PRKN: variants seen among roughly 807,000 people sequenced by gnomAD.
The protein encoded by PRKN is E3 ubiquitin-protein ligase parkin.
PRKN carries 56 observed loss-of-function variants against 59.5 expected under a neutral mutation model. That is an observed-to-expected ratio of 0.94 (90% CI 0.76 to 1.18). The LOEUF is 1.18. Ranked by LOEUF, PRKN falls within the 50% of genes most tolerant of loss-of-function variation. The probability of loss-of-function intolerance (pLI) is 0.00; values close to 1 mark genes in which losing one functional copy is unlikely to be tolerated. For synonymous variants in PRKN, 250 were observed against 222.1 expected (o/e 1.13, Z -1.12); for missense variants, 657 against 596.4 (o/e 1.10, Z -1.06).
chr6:162,099,436 C>T (rs549482084), intron 4 of PRKN, among the ~76,000 whole-genome samples: 1 of 152,198 alleles, frequency 6.6e-6, no homozygotes, highest in African/African-American at 2.4e-5. Context: ...CCTGGAGAAA[C>T]AGTTCTTCAG....
At chr6:161,951,954 T>C (rs1780006690) in intron 6 of PRKN, among the ~76,000 whole-genome samples, 1 of 149,936 alleles carries the variant, frequency 6.7e-6, no homozygotes, top group African/African-American at 2.4e-5. Flanking sequence ...GAAATGTAAA[T>C]GTTGGCACCT....
At chr6:161,744,975 G>A (rs1412987684) in intron 7 of PRKN, among the ~76,000 whole-genome samples, 1 of 152,166 alleles carries the variant, frequency 6.6e-6, no homozygotes, top group African/African-American at 2.4e-5. Flanking sequence ...ATGTCCACTT[G>A]GTAGATGAGA....
intron 5 of PRKN, among the ~76,000 whole-genome samples, chr6:162,007,574 G>A (rs1363884237): frequency 6.6e-6 from 1 of 152,142 alleles, no homozygotes; most frequent in East Asian, 1.9e-4. Context: ...TTAAACCGTT[G>A]ATGGCAGAAT....
intron 3 of PRKN, among the ~76,000 whole-genome samples, chr6:162,228,553 G>T (rs1413098279): frequency 1.3e-5 from 2 of 152,134 alleles, no homozygotes; most frequent in African/African-American, 2.4e-5. Flanking sequence ...AGGGGAAAAA[G>T]TTCTTAGTCC....
intron 1 of PRKN, among the ~76,000 whole-genome samples, chr6:162,517,043 T>C (rs1260950852): frequency 6.6e-6 from 1 of 152,054 alleles, no homozygotes; most frequent in Non-Finnish European, 1.5e-5. Context: ...TCCTCCTTAA[T>C]GGCAAGGTTA....
Position 162,528,615 on chromosome 6 carries a change from T to C in PRKN, c.8-85142A>G, listed in dbSNP as rs540505539. ...AAGATACTGTCTGGAAGCTAAGACA[T>C]TACTAATTAAATGCAAAGAGTTGAT... is the stretch of plus-strand genomic sequence containing the variant. On this transcript the variant is annotated intron_variant, in intron 1 of 11. Transcript: ENST00000366898. 3.9e-5 allele frequency among the ~76,000 whole-genome samples: 6 copies of C among 152,182 alleles called. No homozygotes were observed. In the South Asian group the frequency reaches 1.2e-3, roughly 32 times the overall value.
intron 3 of PRKN, among the ~76,000 whole-genome samples, chr6:162,206,251 G>T (rs1784933323): frequency 6.6e-6 from 1 of 152,130 alleles, no homozygotes; most frequent in Non-Finnish European, 1.5e-5. Flanking sequence ...GGTACAGTTA[G>T]ACTGGCACTT....
intron 6 of PRKN, among the ~76,000 whole-genome samples, chr6:161,854,268 C>CA (rs1474655564): frequency 1.3e-5 from 2 of 150,498 alleles, no homozygotes; most frequent in African/African-American, 4.9e-5. Flanking sequence ...AACAAACATA[C>CA]AAACAAACAA....
chr6:161,894,275 T>C (rs1353824812), intron 6 of PRKN, among the ~76,000 whole-genome samples: 1 of 152,250 alleles, frequency 6.6e-6, no homozygotes, highest in Admixed American at 6.5e-5. Flanking sequence ...CTGTGGTCAC[T>C]GATTTCATGC....
intron 1 of PRKN, among the ~76,000 whole-genome samples, chr6:162,704,507 A>C (rs1039471549): frequency 1.3e-5 from 2 of 152,204 alleles, no homozygotes; most frequent in African/African-American, 4.8e-5. Flanking sequence ...TACTTAAACT[A>C]TGTGTCAAAG....
intron 11 of PRKN, among the ~76,000 whole-genome samples, 159 bp from the exon 12 acceptor site, chr6:161,350,370 T>C (rs924061236): frequency 6.6e-6 from 1 of 151,742 alleles, no homozygotes; most frequent in African/African-American, 2.4e-5. Flanking sequence ...AAAAACTTCA[T>C]AAAGCACAAT....
At chr6:161,852,289 C>A (rs1793470589) in intron 6 of PRKN, among the ~76,000 whole-genome samples, 1 of 151,920 alleles carries the variant, frequency 6.6e-6, no homozygotes, top group Non-Finnish European at 1.5e-5. Context: ...CTACAAAAAA[C>A]AAACAAAGAA....
intron 1 of PRKN, among the ~76,000 whole-genome samples, chr6:162,472,831 G>A (rs1158142166): frequency 6.8e-6 from 1 of 146,552 alleles, no homozygotes; most frequent in Non-Finnish European, 1.5e-5. Context: ...AGTAGAAGTT[G>A]AACAAATATT....
intron 7 of PRKN, among the ~76,000 whole-genome samples, chr6:161,608,655 C>T (rs973431457): frequency 7.2e-5 from 11 of 151,940 alleles, no homozygotes; most frequent in African/African-American, 2.7e-4. Context: ...GCCTCAGCCT[C>T]CAGCGTAGCT....
At chr6:162,157,948 T>C (rs1782586907) in intron 4 of PRKN, among the ~76,000 whole-genome samples, 1 of 152,080 alleles carries the variant, frequency 6.6e-6, no homozygotes, top group Admixed American at 6.5e-5. Context: ...TTGTTGAAAC[T>C]TCTTAATTTA....
At chr6:162,267,496 G>C (rs950617327) in intron 2 of PRKN, among the ~76,000 whole-genome samples, 22 of 152,120 alleles carry the variant, frequency 1.4e-4, no homozygotes, top group African/African-American at 5.3e-4. Flanking sequence ...TATGGTTTCA[G>C]GCTACCTTAG....
chr6:162,407,445 T>A (rs1371835437), intron 2 of PRKN, among the ~76,000 whole-genome samples: 1 of 152,202 alleles, frequency 6.6e-6, no homozygotes, highest in African/African-American at 2.4e-5. Context: ...TGTGCTGATA[T>A]GTTATCATTG....
chr6:162,020,291 G>A lies in PRKN; in HGVS notation c.618+33800C>T, dbSNP rs145872449. On this transcript the variant is annotated intron_variant, in intron 5 of 11. Transcript: ENST00000366898. ...TATAGGGAGAGCTTGGATGGAACTGGAATTGTCAGTGACAGAATGCTGACT... is the reference window on the plus strand; with the variant it reads ...TATAGGGAGAGCTTGGATGGAACTGAAATTGTCAGTGACAGAATGCTGACT... Among the ~76,000 whole-genome samples the A allele has an allele frequency of 2.4e-3, 277 of 115,468 alleles. 2 individuals are homozygous for A. Among genetic ancestry groups the A allele is most frequent in the African/African-American group, 8.2e-3 (255 of 31,136 alleles). The allele number at this position is 115,468 out of a possible 152,430, so 75.8% of individuals were successfully genotyped here.
chr6:162,314,147 A>G (rs1562663064), intron 2 of PRKN, among the ~76,000 whole-genome samples: 2 of 152,094 alleles, frequency 1.3e-5, no homozygotes, highest in Non-Finnish European at 1.5e-5. Flanking sequence ...TGCAGAATTA[A>G]TCTGGTCTCC....
Sources: allele counts gnomAD v4.1 joint callset (sites outside exome capture counted in the v4.1 genomes callset), GRCh38; gene constraint gnomAD v4.1.1; transcripts MANE v1.5; gene names NCBI Gene and HGNC (gene_info 2026-07-23, HGNC 2026-07-21).